The following RHBDD1 variants were observed in gnomAD, a reference collection of about 807,000 sequenced individuals.
The protein encoded by RHBDD1 is rhomboid-related protein 4.
Under a neutral mutation model 36.3 loss-of-function variants are expected in RHBDD1, and 38 were observed. That is an observed-to-expected ratio of 1.05 (90% CI 0.81 to 1.37). RHBDD1 has a LOEUF of 1.37. RHBDD1 is among the 40% of genes most tolerant of loss of function. The pLI is 0.00. For missense variants in RHBDD1, 393 were observed against 377.6 expected (o/e 1.04, Z -0.34); for synonymous variants, 151 against 136.5 (o/e 1.11, Z -0.74).
chr2:226,945,962 G>T (rs1485410030), intron 8 of RHBDD1, among the ~76,000 whole-genome samples: 1 of 152,154 alleles, frequency 6.6e-6, no homozygotes, highest in African/African-American at 2.4e-5. Context: ...CTTTCGAGAA[G>T]TGTCTGTCAT....
At chr2:226,914,392 CAT>C in intron 8 of RHBDD1, 41 bp downstream of exon 8, 1 of 1,590,398 alleles carries the variant, frequency 6.3e-7, no homozygotes, top group Non-Finnish European at 8.6e-7. Flanking sequence ...AAGCATACCT[CAT>C]GTGGTAAGGT....
chr2:226,891,081 A>G (rs1339604384), intron 5 of RHBDD1, among the ~76,000 whole-genome samples: 1 of 152,222 alleles, frequency 6.6e-6, no homozygotes, highest in African/African-American at 2.4e-5. Context: ...AGCTTAAAAC[A>G]ACCACATTTA....
At chr2:226,914,125 C>T (rs1378895710) in intron 7 of RHBDD1, 83 bp from the exon 8 acceptor site, 9 of 1,231,768 alleles carry the variant, frequency 7.3e-6, no homozygotes, top group Admixed American at 2.1e-5. Flanking sequence ...ATGCCTTACT[C>T]GCTTGTCTTT....
Position 226,914,198 on chromosome 2 carries a change from G to A in RHBDD1, c.713-10G>A. 6.2e-7 allele frequency: 1 copy of A among 1,612,922 alleles called. No homozygotes were observed. Among genetic ancestry groups the A allele is most frequent in the South Asian group, 1.1e-5 (1 of 90,962 alleles). The stretch of plus-strand genomic sequence containing the variant: ...AGCTGTGTTCTAGAACCTTTTCCTT[G>A]TGCCTTTAGGCAGCTCTGGATATCA... On this transcript the variant is annotated splice_polypyrimidine_tract_variant and intron_variant, in intron 7 of 8. Coordinates refer to ENST00000392062, the MANE Select transcript of RHBDD1 (RefSeq NM_001167608.3).
intron 8 of RHBDD1, among the ~76,000 whole-genome samples, chr2:226,973,064 C>A (rs532638064): frequency 2.4e-4 from 36 of 152,244 alleles, no homozygotes; most frequent in African/African-American, 8.7e-4. Context: ...TGGGTTGTGC[C>A]CTGTGGCTGC....
intron 2 of RHBDD1, among the ~76,000 whole-genome samples, 170 bp from the exon 3 acceptor site, chr2:226,839,239 C>G (rs1006647863): frequency 3.3e-5 from 5 of 151,652 alleles, no homozygotes; most frequent in African/African-American, 1.2e-4. Flanking sequence ...GGGTGGGGAC[C>G]AAGTATAAAA....
At chr2:226,923,227 C>T (rs1323811699) in intron 8 of RHBDD1, among the ~76,000 whole-genome samples, 1 of 152,146 alleles carries the variant, frequency 6.6e-6, no homozygotes, top group African/African-American at 2.4e-5. Context: ...TGAAATCTCT[C>T]AGCTTTTCTT....
At chr2:226,910,156 TTC>T (rs778295847) in intron 7 of RHBDD1, among the ~76,000 whole-genome samples, 5 of 152,258 alleles carry the variant, frequency 3.3e-5, no homozygotes, top group Admixed American at 2.6e-4. Context: ...ACTTACTGTC[TTC>T]TCTCTCTTTT....
chr2:226,882,907 T>C (rs1482577440), intron 5 of RHBDD1, among the ~76,000 whole-genome samples: 1 of 152,182 alleles, frequency 6.6e-6, no homozygotes, highest in African/African-American at 2.4e-5. Context: ...TGTGTCCTCA[T>C]GTGGCAAGGA....
At chr2:226,803,852 G>C in the RHBDD1 span, among the ~76,000 whole-genome samples, 1 of 152,212 alleles carries the variant, frequency 6.6e-6, no homozygotes, top group African/African-American at 2.4e-5. Context: ...AAATCGGCTA[G>C]ATCAGGGCTT....
chr2:226,884,668 A>G (rs756292234), intron 5 of RHBDD1, among the ~76,000 whole-genome samples: 6 of 152,202 alleles, frequency 3.9e-5, no homozygotes, highest in South Asian at 2.1e-4. Flanking sequence ...CGTGTTAAAG[A>G]TAACATAAAA....
At chr2:226,896,165 C>T (rs1359750180) in intron 5 of RHBDD1, among the ~76,000 whole-genome samples, 1 of 152,206 alleles carries the variant, frequency 6.6e-6, no homozygotes, top group Non-Finnish European at 1.5e-5. Flanking sequence ...CAGCTTCCAA[C>T]TTGCGACCTA....
chr2:226,979,017 T>C (rs2149405277), intron 8 of RHBDD1, among the ~76,000 whole-genome samples: 1 of 152,180 alleles, frequency 6.6e-6, no homozygotes, highest in African/African-American at 2.4e-5. Context: ...TTATGGAGAA[T>C]CAGCTAAGTG....
At chr2:226,838,668 T>A (rs937195606) in intron 2 of RHBDD1, among the ~76,000 whole-genome samples, 2 of 152,252 alleles carry the variant, frequency 1.3e-5, no homozygotes, top group Non-Finnish European at 2.9e-5. Context: ...CCATTCATTT[T>A]ATAATATTTT....
At chr2:226,904,511 C>T (rs1241084341) in intron 5 of RHBDD1, among the ~76,000 whole-genome samples, 2 of 150,424 alleles carry the variant, frequency 1.3e-5, no homozygotes, top group Non-Finnish European at 2.9e-5. Context: ...GGTGTGTGTG[C>T]GTGTCTGTGT....
At chr2:226,855,805 T>G (rs1943265314) in intron 3 of RHBDD1, among the ~76,000 whole-genome samples, 2 of 152,220 alleles carry the variant, frequency 1.3e-5, no homozygotes, top group Admixed American at 1.3e-4. Context: ...AAAGACGAGA[T>G]TCCCATTACC....
intron 8 of RHBDD1, among the ~76,000 whole-genome samples, chr2:226,944,442 C>T (rs1950847657): frequency 6.6e-6 from 1 of 152,114 alleles, no homozygotes. Flanking sequence ...GCAATTAGGA[C>T]GTTCTGTCCT....
chr2:226,879,604 T>G (rs1005496273), intron 5 of RHBDD1, among the ~76,000 whole-genome samples: 6 of 152,086 alleles, frequency 3.9e-5, no homozygotes, highest in Non-Finnish European at 5.9e-5. Flanking sequence ...AAGGAGAAAA[T>G]GAGGTATAAA....
At chr2:226,977,868 T>C (rs553119822) in intron 8 of RHBDD1, among the ~76,000 whole-genome samples, 119 of 152,358 alleles carry the variant, frequency 7.8e-4, no homozygotes, top group African/African-American at 2.7e-3. Flanking sequence ...AATAGTACCA[T>C]TGTAAACATG....
Sources: gnomAD v4.1 joint callset for allele counts (sites outside exome capture counted in the v4.1 genomes callset) on GRCh38, gnomAD v4.1.1 for gene constraint, MANE v1.5 for transcripts, NCBI Gene and HGNC (gene_info 2026-07-23, HGNC 2026-07-21) for gene names.